Variants in C3orf49 observed in about 807,000 individuals in gnomAD.
The protein encoded by C3orf49 is chromosome 3 open reading frame 49, also known as putative uncharacterized protein C3orf49.
In C3orf49, 27 loss-of-function variants were observed where a neutral mutation model predicts 13.3. The ratio of observed to expected loss-of-function variants is 2.02; its 90% confidence interval spans 1.49 to 2.79. The LOEUF (loss-of-function observed/expected upper bound fraction) is 2.79, where lower values mean the gene tolerates loss of function less well. Ranked by LOEUF, C3orf49 falls within the 30% of genes most tolerant of loss-of-function variation. The pLI is 0.00. For missense variants in C3orf49, 242 were observed against 134.2 expected, an observed-to-expected ratio of 1.80 and a Z score of -3.97; for synonymous variants, 87 against 47.6, an observed-to-expected ratio of 1.83 and a Z score of -3.40.
chr3:63,808,588 C>T, the C3orf49 span, among the ~76,000 whole-genome samples: 1 of 152,178 alleles, frequency 6.6e-6, no homozygotes. Context: ...ACTCTCAGAA[C>T]ATCTTTGGAA....
At chr3:63,830,591 T>A (rs1701520077) in intron 3 of C3orf49, among the ~76,000 whole-genome samples, 1 of 152,188 alleles carries the variant, frequency 6.6e-6, no homozygotes. Context: ...TTAGGACAGG[T>A]ACTTGTAACC....
At chr3:63,805,126 G>A in the C3orf49 span, 1 of 152,174 alleles carries the variant, frequency 6.6e-6, no homozygotes, top group African/African-American at 2.4e-5. Context: ...AACCAGAGAA[G>A]CATGAGGTGA....
chr3:63,818,956 T>TC (rs1701356670), upstream of C3orf49, among the ~76,000 whole-genome samples: 1 of 152,218 alleles, frequency 6.6e-6, no homozygotes, highest in Non-Finnish European at 1.5e-5. Flanking sequence ...CAGAGAACAT[T>TC]CACCAGCTGT....
the C3orf49 span, among the ~76,000 whole-genome samples, chr3:63,796,445 T>C: frequency 6.6e-6 from 1 of 152,196 alleles, no homozygotes. Context: ...GCTGGCTACA[T>C]CTCCAATGTC....
At chr3:63,789,188 ACTGCG>A in the C3orf49 span, among the ~76,000 whole-genome samples, 9 of 152,098 alleles carry the variant, frequency 5.9e-5, no homozygotes, top group Admixed American at 5.2e-4. Flanking sequence ...CCTATTGTGA[ACTGCG>A]CATACAAGGG....
the C3orf49 span, among the ~76,000 whole-genome samples, chr3:63,797,057 T>C: frequency 6.6e-6 from 1 of 152,146 alleles, no homozygotes; most frequent in Non-Finnish European, 1.5e-5. Context: ...GATGACTTGA[T>C]ATAATTTTGT....
chr3:63,805,825 TA>T, the C3orf49 span, among the ~76,000 whole-genome samples: 6 of 152,162 alleles, frequency 3.9e-5, no homozygotes, highest in African/African-American at 1.4e-4. Context: ...TAAACATGCT[TA>T]AAAAAAATTG....
the C3orf49 span, among the ~76,000 whole-genome samples, chr3:63,811,298 C>A: frequency 6.6e-6 from 1 of 152,066 alleles, no homozygotes; most frequent in African/African-American, 2.4e-5. Context: ...GTGCCTCGCA[C>A]CTGTAATCCC....
the C3orf49 span, among the ~76,000 whole-genome samples, chr3:63,790,431 A>C: frequency 6.6e-6 from 1 of 152,206 alleles, no homozygotes; most frequent in East Asian, 1.9e-4. Context: ...AACCTTGGCT[A>C]TACAATAGAA....
chr3:63,829,094 T>A (rs1701500893), intron 3 of C3orf49, among the ~76,000 whole-genome samples: 1 of 152,270 alleles, frequency 6.6e-6, no homozygotes. Flanking sequence ...AAAGTTCCAC[T>A]GAACAGTGCT....
At position 63,827,585 on chromosome 3, in the gene C3orf49, T is replaced by C. The variant is rs1423375088; in HGVS notation, c.446-16T>C. On this transcript the variant is annotated splice_polypyrimidine_tract_variant and intron_variant, in intron 2 of 6. Coordinates refer to ENST00000295896, the MANE Select transcript of C3orf49 (RefSeq NM_001355236.2). ...ATTGTGATCCTTACAGATTCCTTTT[T>C]CCCCCTTTCTTGAAGCGACTATACA... 1.4e-6 allele frequency: 1 copy of C among 699,902 alleles called. No individual in the cohort carries two copies. The highest frequency in any genetic ancestry group is 2.6e-6 in the Non-Finnish European group (1 of 383,716). 43.4% of individuals were successfully genotyped at this position (699,902 alleles called of 1,614,324 possible). A position where few individuals can be genotyped will look rare whatever the true frequency, so the allele number is the denominator to read the frequency against.
At chr3:63,839,542 G>T in intron 5 of C3orf49, 1 of 853,436 alleles carries the variant, frequency 1.2e-6, no homozygotes, top group South Asian at 1.4e-5. Context: ...ATTAAGAGTT[G>T]ACTCCACTGT....
At chr3:63,785,516 A>G in the C3orf49 span, among the ~76,000 whole-genome samples, 1 of 152,220 alleles carries the variant, frequency 6.6e-6, no homozygotes, top group Non-Finnish European at 1.5e-5. Context: ...TATGAAGCAC[A>G]TTGATGCAGA....
At chr3:63,820,174 C>G (rs184517589) in intron 1 of C3orf49, among the ~76,000 whole-genome samples, 1 of 152,208 alleles carries the variant, frequency 6.6e-6, no homozygotes, top group African/African-American at 2.4e-5. Flanking sequence ...TTTCCAATTT[C>G]TTTGGGCTTC....
At chr3:63,786,122 A>G in the C3orf49 span, 1 of 152,030 alleles carries the variant, frequency 6.6e-6, no homozygotes, top group Non-Finnish European at 1.5e-5. Context: ...TACATCAACT[A>G]CTTCCCTGGC....
the C3orf49 span, among the ~76,000 whole-genome samples, chr3:63,786,412 T>A: frequency 1.3e-5 from 2 of 152,046 alleles, no homozygotes. Context: ...TCACAACACT[T>A]CCCCCAATGC....
chr3:63,793,977 G>A, the C3orf49 span, among the ~76,000 whole-genome samples: 8 of 151,992 alleles, frequency 5.3e-5, no homozygotes, highest in Non-Finnish European at 1.2e-4. Context: ...AAACATAGCA[G>A]GACACTGTTT....
At chr3:63,835,111 A>T in intron 5 of C3orf49, 1 of 1,595,350 alleles carries the variant, frequency 6.3e-7, no homozygotes, top group Non-Finnish European at 8.6e-7. Flanking sequence ...GGGTCATTTA[A>T]AAAATCTTCA....
the C3orf49 span, among the ~76,000 whole-genome samples, chr3:63,810,411 T>C: frequency 2.1e-3 from 315 of 152,332 alleles, 1 homozygote; most frequent in Admixed American, 3.7e-3. Flanking sequence ...TGTCTGTCCA[T>C]AGTAGGCACT....
Sources: gnomAD v4.1 joint callset for allele counts (sites outside exome capture counted in the v4.1 genomes callset) on GRCh38, gnomAD v4.1.1 for gene constraint, MANE v1.5 for transcripts, NCBI Gene and HGNC (gene_info 2026-07-23, HGNC 2026-07-21) for gene names.